The following ASTN1 variants were observed in gnomAD, a reference collection of about 807,000 sequenced individuals.
ASTN1 encodes astrotactin 1.
In ASTN1, 41 loss-of-function variants were observed where a neutral mutation model predicts 140.7. The observed-to-expected ratio is 0.29, with a 90% confidence interval of 0.23 to 0.38. ASTN1 has a LOEUF of 0.38. ASTN1 is among the 10% of genes least tolerant of loss of function. The probability of loss-of-function intolerance (pLI) is 1.00; values close to 1 mark genes in which losing one functional copy is unlikely to be tolerated. For missense variants in ASTN1, 1,479 were observed against 1,678.8 expected (o/e 0.88, Z 2.08); for synonymous variants, 640 against 652.2 (o/e 0.98, Z 0.29).
chr1:176,883,082 C>G, intron 19 of ASTN1, 88 bp from the exon 20 acceptor site: 1 of 1,535,414 alleles, frequency 6.5e-7, no homozygotes, highest in South Asian at 1.2e-5. Context: ...GAGAACTTAA[C>G]ATGACAATGA....
intron 16 of ASTN1, among the ~76,000 whole-genome samples, chr1:176,903,315 A>AT (rs1234966739): frequency 6.6e-6 from 1 of 151,342 alleles, no homozygotes; most frequent in African/African-American, 2.4e-5. Flanking sequence ...CTTCCCATAT[A>AT]TTTTTTGAGA....
intron 8 of ASTN1, among the ~76,000 whole-genome samples, chr1:176,978,535 A>G (rs904859021): frequency 3.3e-5 from 5 of 152,212 alleles, no homozygotes; most frequent in African/African-American, 1.2e-4. Context: ...AAATAGTGTA[A>G]GATGGCCTCA....
chr1:176,858,060 G>A (rs181532447), downstream of ASTN1, among the ~76,000 whole-genome samples: 5 of 152,118 alleles, frequency 3.3e-5, no homozygotes, highest in African/African-American at 4.8e-5. Context: ...AAGATAGTAA[G>A]GAATCCATTA....
rs546766678 is a variant in ASTN1 at position 176,963,343 on chromosome 1, C to T, written c.1598+1820G>A. 2.1e-4 allele frequency among the ~76,000 whole-genome samples: 32 copies of T among 152,190 alleles called. 1 individual carries two copies. The South Asian group carries it at 5.8e-3, about 28-fold the overall frequency. ...AGGTCATAGAATTTTTTAGAGTGGT[C>T]GTTGGTAGGTGGTTTACTCAGATGC... On this transcript the variant is annotated intron_variant, in intron 9 of 22. Transcript: ENST00000361833.
At chr1:176,916,880 C>T (rs1670508016) in intron 16 of ASTN1, among the ~76,000 whole-genome samples, 1 of 152,106 alleles carries the variant, frequency 6.6e-6, no homozygotes, top group Non-Finnish European at 1.5e-5. Context: ...GCAGGCTGGC[C>T]CTTTGAACCT....
chr1:176,972,017 C>T (rs897875998), intron 8 of ASTN1, among the ~76,000 whole-genome samples: 6 of 152,126 alleles, frequency 3.9e-5, no homozygotes, highest in African/African-American at 1.4e-4. Context: ...CTACTAGACA[C>T]CTAGGCTATA....
chr1:176,938,473 GGAATCACAAA>G (rs1671544830), intron 14 of ASTN1, among the ~76,000 whole-genome samples: 1 of 152,204 alleles, frequency 6.6e-6, no homozygotes, highest in African/African-American at 2.4e-5. Flanking sequence ...AAACAGGAAA[GGAATCACAAA>G]GCCTGAGCTC....
chr1:176,934,033 T>TCTG lies in ASTN1; in HGVS notation c.2671+118_2671+119insCAG. On this transcript the variant is annotated intron_variant, in intron 16 of 22. Transcript: ENST00000361833. ...AAATGTTACAGATGGGCACAGAGCATTAGGGGAAAATCTGATTGAGTCGTT... is the reference window on the plus strand; with the variant it reads ...AAATGTTACAGATGGGCACAGAGCATCTGTAGGGGAAAATCTGATTGAGTCGTT... The TCTG allele has an allele frequency of 2.8e-6, 3 of 1,086,038 alleles. No homozygotes were observed. In the Admixed American group the frequency reaches 7.5e-5, roughly 27 times the overall value. 67.3% of individuals were successfully genotyped at this position (1,086,038 alleles called of 1,614,324 possible). A position where few individuals can be genotyped will look rare whatever the true frequency, so the allele number is the denominator to read the frequency against.
chr1:177,049,910 G>T (rs1157780773), intron 2 of ASTN1, among the ~76,000 whole-genome samples: 1 of 152,190 alleles, frequency 6.6e-6, no homozygotes, highest in African/African-American at 2.4e-5. Context: ...GGAAAGAGGG[G>T]CTGGGGATGG....
chr1:176,980,708 G>C (rs1382048076), intron 8 of ASTN1, among the ~76,000 whole-genome samples: 2 of 152,132 alleles, frequency 1.3e-5, no homozygotes, highest in African/African-American at 4.8e-5. Context: ...GAGAAGCTGA[G>C]AGACTAGGAA....
intron 1 of ASTN1, among the ~76,000 whole-genome samples, chr1:177,089,453 C>T (rs559603540): frequency 1.6e-4 from 25 of 152,198 alleles, no homozygotes; most frequent in Admixed American, 7.2e-4. Flanking sequence ...GAGAGAGAGA[C>T]GCACTGGGAC....
intron 2 of ASTN1, among the ~76,000 whole-genome samples, chr1:177,051,663 C>T (rs1006898964): frequency 1.3e-5 from 2 of 152,128 alleles, no homozygotes. Flanking sequence ...TTAAAGATGA[C>T]CTCGGGTCTG....
intron 18 of ASTN1, among the ~76,000 whole-genome samples, chr1:176,886,587 T>A (rs1669040425): frequency 6.6e-6 from 1 of 152,224 alleles, no homozygotes; most frequent in Non-Finnish European, 1.5e-5. Flanking sequence ...GCTGTAGGTA[T>A]CTAAAACCAC....
At chr1:176,938,815 T>C (rs1026620821) in intron 14 of ASTN1, among the ~76,000 whole-genome samples, 2 of 152,112 alleles carry the variant, frequency 1.3e-5, no homozygotes, top group Non-Finnish European at 2.9e-5. Flanking sequence ...ATTATGGGCA[T>C]AAAAGTTCTT....
downstream of ASTN1, among the ~76,000 whole-genome samples, chr1:176,860,143 G>A (rs183347397): frequency 7.9e-5 from 12 of 152,278 alleles, no homozygotes; most frequent in East Asian, 2.3e-3. Flanking sequence ...GCAGGCAGAA[G>A]CCCTAAGGCC....
intron 4 of ASTN1, 77 bp downstream of exon 4, chr1:177,030,729 G>T (rs573815548): frequency 1.9e-6 from 3 of 1,576,584 alleles, no homozygotes; most frequent in African/African-American, 1.3e-5. Flanking sequence ...TGAGAGAATG[G>T]GTAGAAGATA....
At chr1:177,016,142 G>A (rs1675535320) in intron 7 of ASTN1, among the ~76,000 whole-genome samples, 1 of 152,100 alleles carries the variant, frequency 6.6e-6, no homozygotes, top group African/African-American at 2.4e-5. Context: ...GGAAGGTATT[G>A]GATAGGGCCT....
chr1:176,995,040 T>G (rs1421957207), intron 8 of ASTN1, among the ~76,000 whole-genome samples: 1 of 152,196 alleles, frequency 6.6e-6, no homozygotes, highest in Non-Finnish European at 1.5e-5. Flanking sequence ...CTGATTTCTC[T>G]TTTGTGGATT....
chr1:177,032,752 T>A lies in ASTN1; in HGVS notation c.569A>T (p.Gln190Leu). 1 of 1,613,794 alleles carries A rather than the reference T, an allele frequency of 6.2e-7. No individual in the cohort carries two copies. The highest frequency in any genetic ancestry group is 8.5e-7 in the Non-Finnish European group (1 of 1,180,018). ...WCKRRRVPQP[Q>L]KSASAEAANE... ...GGCTGCCTCAGCACTGGCACTCTTC[T>A]GGGGCTGCGGGACCCGGCGGCGTTT... is the stretch of plus-strand genomic sequence containing the variant. The change falls in exon 3 of 23, where the codon CAG becomes CTG. Residue 190 changes from glutamine (Q) to leucine (L), a missense_variant. Gln to Leu is a moderately radical substitution (Grantham distance 113, BLOSUM62 -2). Coordinates refer to ENST00000361833, the MANE Select transcript of ASTN1 (RefSeq NM_004319.3).
Sources: allele counts gnomAD v4.1 joint callset (sites outside exome capture counted in the v4.1 genomes callset), GRCh38; gene constraint gnomAD v4.1.1; transcripts MANE v1.5; gene names NCBI Gene and HGNC (gene_info 2026-07-23, HGNC 2026-07-21).